The following KCNMA1 variants were observed in gnomAD, a reference collection of about 807,000 sequenced individuals.
KCNMA1 encodes the protein Calcium-activated potassium channel subunit alpha-1.
In KCNMA1, 29 loss-of-function variants were observed where a neutral mutation model predicts 140.0. The ratio of observed to expected loss-of-function variants is 0.21; its 90% CI spans 0.15 to 0.28. The LOEUF (loss-of-function observed/expected upper bound fraction) is 0.28, where lower values mean the gene tolerates loss of function less well. Ranked by LOEUF, KCNMA1 falls within the 10% of genes least tolerant of loss-of-function variation. The pLI, the probability that KCNMA1 is intolerant of heterozygous loss-of-function variation, is 1.00. For synonymous variants in KCNMA1, 612 were observed against 611.9 expected (o/e 1.00, Z 0.00); for missense variants, 880 against 1,602.2 (o/e 0.55, Z 7.70).
chr10:77,343,925 G>A (rs2091574975), intron 2 of KCNMA1, among the ~76,000 whole-genome samples: 1 of 152,190 alleles, frequency 6.6e-6, no homozygotes, highest in African/African-American at 2.4e-5. Context: ...GACCTATGAA[G>A]ACAAAGGCAG....
intron 1 of KCNMA1, among the ~76,000 whole-genome samples, chr10:77,556,054 G>A (rs2064244890): frequency 6.6e-6 from 1 of 152,164 alleles, no homozygotes; most frequent in Non-Finnish European, 1.5e-5. Flanking sequence ...CATATGGTGT[G>A]GACAGAGAGA....
At chr10:77,311,186 C>T (rs534244622) in intron 2 of KCNMA1, among the ~76,000 whole-genome samples, 5 of 152,282 alleles carry the variant, frequency 3.3e-5, no homozygotes, top group South Asian at 2.1e-4. Context: ...AATGCATGCC[C>T]ACTCCACATT....
intron 2 of KCNMA1, among the ~76,000 whole-genome samples, chr10:77,257,691 G>A (rs1024427428): frequency 1.3e-5 from 2 of 152,156 alleles, no homozygotes; most frequent in Non-Finnish European, 2.9e-5. Flanking sequence ...CTGGTGGGAG[G>A]TAATTGAATC....
rs548586478 is a variant in KCNMA1, at chr10:76,890,723, G to C, written c.3342+802C>G. On this transcript the variant is annotated intron_variant, in intron 26 of 27. Transcript: ENST00000286628. Reference sequence around the variant, plus strand: ...ATGGCTGCATCTCTTAAATGCATCTGTGGGGTTGGGCTGGGAATAAGGGCA... The same window carrying C: ...ATGGCTGCATCTCTTAAATGCATCTCTGGGGTTGGGCTGGGAATAAGGGCA... Among the ~76,000 whole-genome samples the C allele has an allele frequency of 3.0e-4, 45 of 152,302 alleles. No homozygotes were observed. The South Asian group carries it at 9.1e-3, about 31-fold the overall frequency.
chr10:77,298,311 C>T (rs550303), intron 2 of KCNMA1, among the ~76,000 whole-genome samples: 33,868 of 151,680 alleles, frequency 0.22, 4,039 homozygotes, highest in Admixed American at 0.27. Flanking sequence ...GGTGTGATCT[C>T]GGCTCACTGC....
At chr10:77,403,765 C>A in intron 2 of KCNMA1, 97 bp downstream of exon 2, 2 of 1,278,332 alleles carry the variant, frequency 1.6e-6, no homozygotes, top group Non-Finnish European at 2.2e-6. Flanking sequence ...TAGCCAGCCT[C>A]CTGCAGAAGA....
At chr10:77,209,647 G>A (rs2154171479) in intron 3 of KCNMA1, among the ~76,000 whole-genome samples, 1 of 152,090 alleles carries the variant, frequency 6.6e-6, no homozygotes, top group Non-Finnish European at 1.5e-5. Context: ...GAATATACAA[G>A]AATGCTAGAC....
chr10:77,513,670 A>C (rs753817820), intron 1 of KCNMA1, among the ~76,000 whole-genome samples: 12 of 152,240 alleles, frequency 7.9e-5, no homozygotes, highest in Non-Finnish European at 1.5e-4. Context: ...GTGATGATTC[A>C]AGAAATAAAC....
chr10:77,295,133 A>C (rs2154318594), intron 2 of KCNMA1, among the ~76,000 whole-genome samples: 1 of 151,342 alleles, frequency 6.6e-6, no homozygotes, highest in South Asian at 2.1e-4. Context: ...AGATCACCTG[A>C]GGACAGGAGT....
At chr10:77,439,220 C>A (rs932483183) in intron 1 of KCNMA1, among the ~76,000 whole-genome samples, 2 of 152,172 alleles carry the variant, frequency 1.3e-5, no homozygotes, top group African/African-American at 4.8e-5. Context: ...ATTTCACAGA[C>A]AATACCTGTA....
At chr10:77,157,827 C>T (rs2098506065) in intron 5 of KCNMA1, among the ~76,000 whole-genome samples, 1 of 152,198 alleles carries the variant, frequency 6.6e-6, no homozygotes, top group African/African-American at 2.4e-5. Flanking sequence ...GGAACAGCGT[C>T]CTGGCACCCT....
At chr10:76,904,708 G>A (rs1375804488) in intron 25 of KCNMA1, 1 of 152,194 alleles carries the variant, frequency 6.6e-6, no homozygotes, top group Admixed American at 6.5e-5. Flanking sequence ...ATGGTTCAGT[G>A]TGATTGGTAT....
intron 25 of KCNMA1, among the ~76,000 whole-genome samples, chr10:76,905,673 T>C (rs1590124182): frequency 6.6e-6 from 1 of 152,210 alleles, no homozygotes; most frequent in East Asian, 1.9e-4. Flanking sequence ...CCTAGGATAA[T>C]TTTACTCTGA....
At chr10:77,512,847 T>C (rs1167179660) in intron 1 of KCNMA1, among the ~76,000 whole-genome samples, 1 of 152,142 alleles carries the variant, frequency 6.6e-6, no homozygotes, top group Non-Finnish European at 1.5e-5. Context: ...TGAGACGGTA[T>C]ATCCGACTTG....
At chr10:77,498,133 G>T (rs939520954) in intron 1 of KCNMA1, among the ~76,000 whole-genome samples, 7 of 152,182 alleles carry the variant, frequency 4.6e-5, no homozygotes, top group Admixed American at 4.6e-4. Context: ...AGGCAGGGAG[G>T]CCCCTTGGGC....
At position 77,431,576 on chromosome 10, in the gene KCNMA1, A is replaced by G. The variant is rs545394451; in HGVS notation, c.379-27553T>C. ...TCCAAAGAATACACAGGCAGCTTGC[A>G]GACCACTGAGTTGAGACTAAGGGCT... On this transcript the variant is annotated intron_variant, in intron 1 of 27. Transcript: ENST00000286628. Among the ~76,000 whole-genome samples the G allele has an allele frequency of 8.6e-5, 13 of 151,620 alleles. No individual in the cohort carries two copies. The East Asian group carries it at 2.6e-3, about 30-fold the overall frequency.
At chr10:77,578,148 G>A (rs538917098) in intron 1 of KCNMA1, among the ~76,000 whole-genome samples, 1 of 152,338 alleles carries the variant, frequency 6.6e-6, no homozygotes, top group East Asian at 1.9e-4. Context: ...TCACCAGTGG[G>A]CCTTTCTCCT....
chr10:76,962,556 A>G (rs1301379630), intron 20 of KCNMA1, among the ~76,000 whole-genome samples: 1 of 152,172 alleles, frequency 6.6e-6, no homozygotes, highest in Non-Finnish European at 1.5e-5. Flanking sequence ...CTAACAAGAC[A>G]TTTCTCAGAC....
intron 24 of KCNMA1, chr10:76,913,951 G>T: frequency 1.2e-6 from 1 of 808,186 alleles, no homozygotes; most frequent in Non-Finnish European, 2.0e-6. Context: ...CCATGGGGTA[G>T]CCTTTCTGTT....
Sources: allele counts gnomAD v4.1 joint callset (sites outside exome capture counted in the v4.1 genomes callset), GRCh38; gene constraint gnomAD v4.1.1; transcripts MANE v1.5; gene names NCBI Gene and HGNC (gene_info 2026-07-23, HGNC 2026-07-21).